The following RSU1 variants were observed in gnomAD, a reference collection of about 807,000 sequenced individuals.
The protein encoded by RSU1 is Ras suppressor protein 1, also known as rsu-1.
RSU1 carries 26 observed loss-of-function variants against 31.1 expected under a neutral mutation model. The observed-to-expected ratio is 0.84, with a 90% CI of 0.61 to 1.16. The LOEUF (loss-of-function observed/expected upper bound fraction) is 1.16. Among genes scored for constraint, RSU1 ranks in the 50% most tolerant of loss-of-function variants. The pLI is 0.00. For missense variants in RSU1, 320 were observed against 339.1 expected (o/e 0.94, Z 0.44); for synonymous variants, 164 against 136.3 (o/e 1.20, Z -1.41).
At chr10:16,670,344 A>G (rs1455831215) in intron 8 of RSU1, among the ~76,000 whole-genome samples, 4 of 152,220 alleles carry the variant, frequency 2.6e-5, no homozygotes, top group African/African-American at 9.6e-5. Context: ...GATCCAAGAT[A>G]TGGCCACTCA....
chr10:16,660,895 C>G (rs1270301474), intron 8 of RSU1, among the ~76,000 whole-genome samples: 1 of 152,080 alleles, frequency 6.6e-6, no homozygotes, highest in Non-Finnish European at 1.5e-5. Flanking sequence ...GATCCACCCA[C>G]TGCAAACCTC....
At chr10:16,808,499 AAAAAAAAC>A (rs1429965211) in intron 2 of RSU1, among the ~76,000 whole-genome samples, 169 of 151,240 alleles carry the variant, frequency 1.1e-3, no homozygotes, top group African/African-American at 3.9e-3. Flanking sequence ...AAAAAAAAAA[AAAAAAAAC>A]AAAGTGAACT....
intron 2 of RSU1, among the ~76,000 whole-genome samples, chr10:16,814,342 G>T (rs2131282475): frequency 6.6e-6 from 1 of 151,994 alleles, no homozygotes; most frequent in African/African-American, 2.4e-5. Flanking sequence ...CAGCTACTCG[G>T]GAGGCTGAGG....
intron 8 of RSU1, among the ~76,000 whole-genome samples, chr10:16,598,875 G>GT (rs372418870): frequency 1.3e-5 from 2 of 152,338 alleles, no homozygotes; most frequent in African/African-American, 4.8e-5. Context: ...TGGCCTGTCC[G>GT]TGAGGATTCT....
intron 8 of RSU1, among the ~76,000 whole-genome samples, chr10:16,684,991 T>C (rs1178608810): frequency 6.6e-6 from 1 of 152,196 alleles, no homozygotes; most frequent in East Asian, 1.9e-4. Flanking sequence ...CTCATGCTTG[T>C]AATCCCAGGA....
At chr10:16,601,102 T>C (rs1475066601) in intron 8 of RSU1, among the ~76,000 whole-genome samples, 2 of 152,168 alleles carry the variant, frequency 1.3e-5, no homozygotes, top group Non-Finnish European at 2.9e-5. Context: ...ATTTTATAAC[T>C]TTAATGATTG....
At chr10:16,810,590 A>C (rs1444929976) in intron 2 of RSU1, among the ~76,000 whole-genome samples, 1 of 152,192 alleles carries the variant, frequency 6.6e-6, no homozygotes, top group African/African-American at 2.4e-5. Context: ...TCAGGTGAGG[A>C]ATAAGGCAGT....
At chr10:16,797,851 T>TTCC (rs1838071941) in intron 2 of RSU1, among the ~76,000 whole-genome samples, 2 of 108,680 alleles carry the variant, frequency 1.8e-5, no homozygotes, top group South Asian at 5.2e-4. Flanking sequence ...AAGTGGGGAT[T>TTCC]TCTTCTTTTT....
intron 2 of RSU1, among the ~76,000 whole-genome samples, chr10:16,805,461 G>A (rs1271816026): frequency 2.0e-5 from 3 of 151,972 alleles, no homozygotes; most frequent in Admixed American, 1.3e-4. Context: ...CACGACGTGA[G>A]GAGATCGAGA....
chr10:16,614,561 T>C (rs1348628736), intron 8 of RSU1, among the ~76,000 whole-genome samples: 1 of 152,108 alleles, frequency 6.6e-6, no homozygotes, highest in Non-Finnish European at 1.5e-5. Flanking sequence ...ATACCCAATA[T>C]ACCAAGATGT....
chr10:16,748,470 C>T (rs1836903859), intron 7 of RSU1: 1 of 152,264 alleles, frequency 6.6e-6, no homozygotes, highest in African/African-American at 2.4e-5. Context: ...CTCCCCATCT[C>T]AAGACTACAA....
At chr10:16,676,339 C>G (rs1027492987) in intron 8 of RSU1, among the ~76,000 whole-genome samples, 2 of 152,212 alleles carry the variant, frequency 1.3e-5, no homozygotes, top group Non-Finnish European at 2.9e-5. Context: ...GCACATCTTA[C>G]ATGGTGGCAG....
Position 16,762,905 on chromosome 10 carries a change from C to G in RSU1, c.281+1485G>C, listed in dbSNP as rs532558980. Among the ~76,000 whole-genome samples, 11 of 151,682 alleles carry G rather than the reference C, an allele frequency of 7.3e-5. No individual in the cohort carries two copies. In the South Asian group the frequency reaches 2.3e-3, roughly 32 times the overall value. ...GCGCACGCCTGTAGTCCCAGCTACT[C>G]GGGACGCTGAGGGAGGAGAATCGCT... On this transcript the variant is annotated intron_variant, in intron 4 of 8. Coordinates refer to ENST00000345264, the MANE Select transcript of RSU1 (RefSeq NM_012425.4).
chr10:16,795,447 G>A (rs1194837161), intron 2 of RSU1, among the ~76,000 whole-genome samples: 4 of 151,240 alleles, frequency 2.6e-5, no homozygotes, highest in African/African-American at 9.7e-5. Context: ...GACTGGCACA[G>A]TTCTAAGAAC....
At chr10:16,805,834 A>G (rs1838255928) in intron 2 of RSU1, among the ~76,000 whole-genome samples, 2 of 152,244 alleles carry the variant, frequency 1.3e-5, no homozygotes, top group East Asian at 3.9e-4. Flanking sequence ...ATCATCACCC[A>G]TATCTGTAAG....
At chr10:16,623,352 A>C (rs982978720) in intron 8 of RSU1, among the ~76,000 whole-genome samples, 1 of 152,188 alleles carries the variant, frequency 6.6e-6, no homozygotes, top group Admixed American at 6.5e-5. Flanking sequence ...TGTTGCTGCA[A>C]AGGATGTAAT....
At chr10:16,684,392 TAAA>T (rs998183453) in intron 8 of RSU1, among the ~76,000 whole-genome samples, 2 of 152,254 alleles carry the variant, frequency 1.3e-5, no homozygotes, top group African/African-American at 4.8e-5. Flanking sequence ...TTTGGCAAGA[TAAA>T]AAAACCAGAG....
chr10:16,652,543 A>G (rs990543212), intron 8 of RSU1, among the ~76,000 whole-genome samples: 5 of 152,158 alleles, frequency 3.3e-5, no homozygotes, highest in Admixed American at 6.5e-5. Flanking sequence ...TCAGGGAACT[A>G]TATTATATAC....
At chr10:16,755,299 T>G (rs1795745735) in intron 4 of RSU1, among the ~76,000 whole-genome samples, 1 of 151,954 alleles carries the variant, frequency 6.6e-6, no homozygotes, top group South Asian at 2.1e-4. Context: ...ATGTTTGTAT[T>G]TTTTGCAGAG....
Sources: gnomAD v4.1 joint callset for allele counts (sites outside exome capture counted in the v4.1 genomes callset) on GRCh38, gnomAD v4.1.1 for gene constraint, MANE v1.5 for transcripts, NCBI Gene and HGNC (gene_info 2026-07-23, HGNC 2026-07-21) for gene names.